HERPUD2: variants seen among roughly 807,000 people sequenced by gnomAD.
The protein encoded by HERPUD2 is homocysteine-responsive endoplasmic reticulum-resident ubiquitin-like domain member 2 protein.
A neutral mutation model predicts 49.9 loss-of-function variants in HERPUD2; 13 were observed. The observed-to-expected ratio is 0.26, with a 90% CI of 0.17 to 0.41. HERPUD2 has a LOEUF of 0.41. HERPUD2 is among the 10% of genes least tolerant of loss of function. The probability of loss-of-function intolerance (pLI) is 1.00; values close to 1 mark genes in which losing one functional copy is unlikely to be tolerated. For missense variants in HERPUD2, 449 were observed against 492.2 expected (o/e 0.91, Z 0.83); for synonymous variants, 172 against 171.4 (o/e 1.00, Z -0.03).
At position 35,667,543 on chromosome 7, in the gene HERPUD2, T is replaced by C. The variant is rs770403909; in HGVS notation, c.385A>G (p.Thr129Ala). 17 of 1,613,622 alleles carry C rather than the reference T, an allele frequency of 1.1e-5. No homozygotes were observed. The highest frequency in any genetic ancestry group is 1.4e-5 in the Non-Finnish European group (17 of 1,179,670). The change falls in exon 5 of 9, where the codon ACC becomes GCC. Residue 129 changes from threonine (T) to alanine (A), a missense_variant. Thr to Ala is a moderately conservative substitution (Grantham distance 58). Coordinates refer to ENST00000311350, the MANE Select transcript of HERPUD2 (RefSeq NM_022373.5). ...GAAGAACCCACAGCTAAAGACAAGG[T>C]TTCTTGACCAGATGATGGAGTTGTT... is the stretch of plus-strand genomic sequence containing the variant. ...GSTTPSSGQE[T>A]LSLAVGSSSE...
intron 5 of HERPUD2, among the ~76,000 whole-genome samples, chr7:35,661,530 T>G (rs993030790): frequency 3.3e-5 from 5 of 152,230 alleles, no homozygotes; most frequent in African/African-American, 1.2e-4. Flanking sequence ...TCCATTTGTT[T>G]GTGTCCTCTT....
At chr7:35,640,186 G>A (rs1377986396) in intron 5 of HERPUD2, among the ~76,000 whole-genome samples, 1 of 152,192 alleles carries the variant, frequency 6.6e-6, no homozygotes, top group Non-Finnish European at 1.5e-5. Context: ...ATGCATCTCT[G>A]AGCAAATCTA....
chr7:35,663,010 G>A (rs188040279), intron 5 of HERPUD2, among the ~76,000 whole-genome samples: 1 of 152,294 alleles, frequency 6.6e-6, no homozygotes, highest in African/African-American at 2.4e-5. Flanking sequence ...GGCATTTAGT[G>A]CTATAAATTT....
rs1019728910 is a variant in HERPUD2 at position 35,644,049 on chromosome 7, T to C, written c.495-5577A>G. On this transcript the variant is annotated intron_variant, in intron 5 of 8. Transcript: ENST00000311350. ...TTTGAAAAACATAAGCATATATACA[T>C]ACAAATAAAGCAAATAAGTAATTAT... is the stretch of plus-strand genomic sequence containing the variant. Among the ~76,000 whole-genome samples, 4 of 152,122 alleles carry C rather than the reference T, an allele frequency of 2.6e-5. 1 individual carries two copies. Among genetic ancestry groups the C allele is most frequent in the Admixed American group, 2.0e-4 (3 of 15,276 alleles).
At chr7:35,659,076 A>T (rs1202858767) in intron 5 of HERPUD2, among the ~76,000 whole-genome samples, 2 of 152,234 alleles carry the variant, frequency 1.3e-5, no homozygotes, top group Non-Finnish European at 2.9e-5. Context: ...CAACACATGC[A>T]GACTAGCTAA....
chr7:35,678,912 T>C (rs1249574057), intron 2 of HERPUD2, among the ~76,000 whole-genome samples: 1 of 152,210 alleles, frequency 6.6e-6, no homozygotes, highest in African/African-American at 2.4e-5. Flanking sequence ...AAAAATATGC[T>C]GGAAAACTCA....
At chr7:35,688,878 A>T (rs1055756668) in intron 2 of HERPUD2, among the ~76,000 whole-genome samples, 2 of 152,216 alleles carry the variant, frequency 1.3e-5, no homozygotes, top group African/African-American at 4.8e-5. Flanking sequence ...AAGCAAAAAA[A>T]AAAATCACCA....
At chr7:35,688,213 A>G (rs1403860985) in intron 2 of HERPUD2, among the ~76,000 whole-genome samples, 1 of 152,176 alleles carries the variant, frequency 6.6e-6, no homozygotes, top group Non-Finnish European at 1.5e-5. Flanking sequence ...ACTAGAACAC[A>G]TCTCCTTCCC....
At chr7:35,656,148 G>C (rs1267097361) in intron 5 of HERPUD2, among the ~76,000 whole-genome samples, 1 of 151,936 alleles carries the variant, frequency 6.6e-6, no homozygotes, top group African/African-American at 2.4e-5. Context: ...GGCAACAAGA[G>C]TGAAACTTCA....
intron 4 of HERPUD2, 78 bp from the exon 5 acceptor site, chr7:35,667,666 G>A (rs552109821): frequency 2.5e-5 from 28 of 1,115,338 alleles, no homozygotes; most frequent in South Asian, 1.8e-4. Flanking sequence ...TACTAAAAAC[G>A]TATTCATGAA....
chr7:35,690,804 C>T (rs996500857), intron 2 of HERPUD2, among the ~76,000 whole-genome samples: 5 of 131,310 alleles, frequency 3.8e-5, no homozygotes. Context: ...AGCGAAACTC[C>T]GTCTCAAAAA....
At chr7:35,669,243 T>C (rs1037263115) in intron 4 of HERPUD2, among the ~76,000 whole-genome samples, 4 of 152,200 alleles carry the variant, frequency 2.6e-5, no homozygotes, top group African/African-American at 7.2e-5. Context: ...TTTAGTTTAA[T>C]GTAAGCTAAA....
chr7:35,666,112 T>C (rs546794360), intron 5 of HERPUD2, among the ~76,000 whole-genome samples: 55 of 152,350 alleles, frequency 3.6e-4, no homozygotes, highest in Admixed American at 1.5e-3. Flanking sequence ...AGTGAATTAC[T>C]GTCATAAGAC....
Position 35,670,286 on chromosome 7 carries a change from T to C in HERPUD2, c.268A>G (p.Thr90Ala). Residue 90 changes from threonine to alanine, a missense_variant, in exon 4 of 9, where the codon ACT (threonine) becomes GCT (alanine). Transcript: ENST00000311350. ...CTGGATTTTGGAGAACTGGGAGGAG[T>C]CCGAGAAGTACATACTAGATGAACC... ...HMVHLVCTSR[T>A]PPSSPKSSTN... 6.3e-7 allele frequency: 1 copy of C among 1,583,494 alleles called. No individual in the cohort carries two copies. The highest frequency in any genetic ancestry group is 8.6e-7 in the Non-Finnish European group (1 of 1,163,154).
At chr7:35,640,004 AAC>A (rs1784942387) in intron 5 of HERPUD2, among the ~76,000 whole-genome samples, 1 of 152,188 alleles carries the variant, frequency 6.6e-6, no homozygotes, top group South Asian at 2.1e-4. Context: ...GACACAGGAC[AAC>A]AGATGACACA....
At chr7:35,678,005 A>G (rs1188645865) in intron 2 of HERPUD2, among the ~76,000 whole-genome samples, 2 of 152,194 alleles carry the variant, frequency 1.3e-5, no homozygotes, top group Admixed American at 1.3e-4. Context: ...ATGCACATAA[A>G]CTAGAACAGA....
At chr7:35,661,000 T>C (rs1156586297) in intron 5 of HERPUD2, among the ~76,000 whole-genome samples, 1 of 152,248 alleles carries the variant, frequency 6.6e-6, no homozygotes, top group Non-Finnish European at 1.5e-5. Flanking sequence ...TCTTGGGTTT[T>C]TATGGTTTTA....
rs753806791 is a variant in HERPUD2, at chr7:35,633,532, C to T, written c.*158G>A. ...AAACTCAGATATTTAGTAGTCCATT[C>T]GTGCTTAAAATATTCATATGCATGA... On this transcript the variant is annotated 3_prime_UTR_variant, in exon 9 of 9. Transcript: ENST00000311350. 5 of 477,304 alleles carry T rather than the reference C, an allele frequency of 1.0e-5. No individual in the cohort carries two copies. The highest frequency in any genetic ancestry group is 6.2e-5 in the African/African-American group (3 of 48,616). The allele number at this position is 477,304 out of a possible 1,614,324, so 29.6% of individuals were successfully genotyped here. A position where few individuals can be genotyped will look rare whatever the true frequency, so the allele number is the denominator to read the frequency against.
intron 5 of HERPUD2, among the ~76,000 whole-genome samples, chr7:35,662,155 T>G (rs1359182518): frequency 6.6e-6 from 1 of 152,246 alleles, no homozygotes; most frequent in Non-Finnish European, 1.5e-5. Flanking sequence ...TCTTTAGTTC[T>G]GTTTATAGGA....
Sources: allele counts gnomAD v4.1 joint callset (sites outside exome capture counted in the v4.1 genomes callset), GRCh38; gene constraint gnomAD v4.1.1; transcripts MANE v1.5; gene names NCBI Gene and HGNC (gene_info 2026-07-23, HGNC 2026-07-21).